CASP10: variants seen among roughly 807,000 people sequenced by gnomAD.
The protein encoded by CASP10 is caspase-10.
Under a neutral mutation model 48.5 loss-of-function variants are expected in CASP10, and 41 were observed. That is an observed-to-expected ratio of 0.85 (90% CI 0.66 to 1.10). The LOEUF is 1.10. Ranked by LOEUF, CASP10 falls within the 50% of genes least tolerant of loss-of-function variation. The probability of loss-of-function intolerance (pLI) is 0.00; values close to 1 mark genes in which losing one functional copy is unlikely to be tolerated. For synonymous variants in CASP10, 232 were observed against 238.4 expected (o/e 0.97, Z 0.25); for missense variants, 614 against 614.5 (o/e 1.00, Z 0.01).
At chr2:201,183,793 T>TA (rs1416272284) in intron 1 of CASP10, among the ~76,000 whole-genome samples, 1 of 152,214 alleles carries the variant, frequency 6.6e-6, no homozygotes, top group Non-Finnish European at 1.5e-5. Context: ...TATCTATAGT[T>TA]ATGTCACCTC....
chr2:201,222,124 T>A (rs1029114410), downstream of CASP10, among the ~76,000 whole-genome samples: 1 of 152,170 alleles, frequency 6.6e-6, no homozygotes, highest in Admixed American at 6.5e-5. Context: ...AATAGGTAGA[T>A]TGAGTGAGGT....
At chr2:201,212,940 G>A (rs1472289958) in intron 9 of CASP10, 2 of 152,170 alleles carry the variant, frequency 1.3e-5, no homozygotes, top group East Asian at 1.9e-4. Flanking sequence ...AATGTTGTGG[G>A]AATGAGGCTA....
chr2:201,218,683 G>A lies in CASP10; in HGVS notation c.*942G>A. Reference sequence around the variant, plus strand: ...AGATTGAGCTTAGATTGCCTCTCTAGACAACTACCCCTTAGTTATAATTCT... The same window carrying A: ...AGATTGAGCTTAGATTGCCTCTCTAAACAACTACCCCTTAGTTATAATTCT... On this transcript the variant is annotated 3_prime_UTR_variant, in exon 10 of 10. Coordinates refer to ENST00000286186, the MANE Select transcript of CASP10 (RefSeq NM_032977.4). 2.0e-6 allele frequency: 2 copies of A among 985,358 alleles called. No homozygotes were observed. The highest frequency in any genetic ancestry group is 2.4e-6 in the Non-Finnish European group (2 of 829,936). The allele number at this position is 985,358 out of a possible 1,614,324, so 61.0% of individuals were successfully genotyped here.
chr2:201,188,754 G>A (rs1944501006), intron 3 of CASP10, among the ~76,000 whole-genome samples: 2 of 151,770 alleles, frequency 1.3e-5, no homozygotes, highest in African/African-American at 4.8e-5. Flanking sequence ...AGGTAGTCTT[G>A]TTTTTTCATC....
chr2:201,191,787 T>C (rs1944620461), intron 3 of CASP10, among the ~76,000 whole-genome samples: 1 of 152,196 alleles, frequency 6.6e-6, no homozygotes, highest in South Asian at 2.1e-4. Context: ...GGCCTACACA[T>C]ATCCTGAGAG....
intron 3 of CASP10, among the ~76,000 whole-genome samples, chr2:201,192,732 T>C (rs1944653985): frequency 6.6e-6 from 1 of 152,340 alleles, no homozygotes; most frequent in South Asian, 2.1e-4. Context: ...GTTGTTGTGC[T>C]GTTAATATAC....
Position 201,186,070 on chromosome 2 carries a change from C to T in CASP10, c.293C>T (p.Thr98Ile), listed in dbSNP as rs1237236496. The T allele has an allele frequency of 6.2e-7, 1 of 1,612,538 alleles. No individual in the cohort carries two copies. The highest frequency in any genetic ancestry group is 2.1e-4 in the Middle Eastern group (1 of 4,834). The change falls in exon 2 of 10, where the codon ACC (threonine) becomes ATC (isoleucine). Residue 98 changes from threonine to isoleucine, a missense_variant. Thr to Ile is a moderately conservative substitution (Grantham distance 89). Coordinates refer to ENST00000286186, the MANE Select transcript of CASP10 (RefSeq NM_032977.4). ...AAGCTGCTGCAGCACCTCAACTGTA[C>T]CAAAGAGGAAGTGGAGCGACTGCTG... ...QKKLLQHLNC[T>I]KEEVERLLPT...
At chr2:201,183,664 T>C (rs1205427013) in intron 1 of CASP10, among the ~76,000 whole-genome samples, 2 of 152,198 alleles carry the variant, frequency 1.3e-5, no homozygotes, top group Admixed American at 1.3e-4. Flanking sequence ...GAAGATCCCC[T>C]GGATTATCAC....
Position 201,217,689 on chromosome 2 carries a change from C to T in CASP10, c.1517C>T (p.Thr506Ile), listed in dbSNP as rs930585159. Reference protein sequence around the residue: ...TKKQMPQPAFTLRKKLVFPVP... With the variant: ...TKKQMPQPAFILRKKLVFPVP... The stretch of plus-strand genomic sequence containing the variant: ...AAACAGATGCCCCAGCCTGCTTTCA[C>T]ACTAAGGAAAAAACTAGTATTCCCT... Residue 506 changes from threonine to isoleucine, a missense_variant, in exon 10 of 10, where the codon ACA (threonine) becomes ATA (isoleucine). Thr to Ile is a moderately conservative substitution (Grantham distance 89, BLOSUM62 -1). Transcript: ENST00000286186. 5.2e-5 allele frequency: 84 copies of T among 1,614,036 alleles called. No individual in the cohort carries two copies. The highest frequency in any genetic ancestry group is 6.9e-5 in the Non-Finnish European group (82 of 1,179,992).
At position 201,205,950 on chromosome 2, in the gene CASP10, C is replaced by G; in HGVS notation, c.790C>G (p.Leu264Val). 1.2e-6 allele frequency: 2 copies of G among 1,612,386 alleles called. No homozygotes were observed. Among genetic ancestry groups the G allele is most frequent in the African/African-American group, 2.7e-5 (2 of 74,996 alleles). Residue 264 changes from leucine to valine, a missense_variant, in exon 7 of 10, where the codon CTA becomes GTA. Leu to Val is a conservative substitution (Grantham distance 32, BLOSUM62 1). Transcript: ENST00000286186. ...GATGCAAGGAGCATCTGCTAACACT[C>G]TAAACTCTGAAACCAGCACAAAGGT... ...RGMQGASANT[L>V]NSETSTKRAA...
At chr2:201,229,223 C>A in exon 10 of CASP10, 1 of 955,962 alleles carries the variant, frequency 1.0e-6, no homozygotes, top group African/African-American at 1.6e-5. Context: ...CTGAACGTGG[C>A]ACTCTTCTGT....
In CASP10 at chr2:201,218,824, TG is replaced by T. The variant is rs1945649451; in HGVS notation, c.*1085del. 7.1e-6 allele frequency: 7 copies of T among 985,448 alleles called. No individual in the cohort carries two copies. In the South Asian group the frequency reaches 3.3e-4, roughly 46 times the overall value. The allele number at this position is 985,448 out of a possible 1,614,324, so 61.0% of individuals were successfully genotyped here. On this transcript the variant is annotated 3_prime_UTR_variant, in exon 10 of 10. Coordinates refer to ENST00000286186, the MANE Select transcript of CASP10 (RefSeq NM_032977.4). ...TTGCACATCTAGTGAGGTGAAAATTTGGTCTATGCCAGGCCCATTTCCTGCT... is the reference window on the plus strand; with the variant it reads ...TTGCACATCTAGTGAGGTGAAAATTTGTCTATGCCAGGCCCATTTCCTGCT...
In CASP10 at chr2:201,209,295, C is replaced by G. The variant is rs1181337952; in HGVS notation, c.1148C>G (p.Ala383Gly). 1.2e-6 allele frequency: 2 copies of G among 1,614,160 alleles called. No individual in the cohort carries two copies. Among genetic ancestry groups the G allele is most frequent in the South Asian group, 2.2e-5 (2 of 91,074 alleles). ...CGGGAGATCATGTCTCACTTCACAG[C>G]CCTGCAGTGCCCTAGACTGGCTGAA... ...PIREIMSHFT[A>G]LQCPRLAEKP... is the part of the protein sequence containing the mutation. Residue 383 changes from alanine (A) to glycine (G), a missense_variant, in exon 9 of 10, where the codon GCC becomes GGC. Coordinates refer to ENST00000286186, the MANE Select transcript of CASP10 (RefSeq NM_032977.4).
downstream of CASP10, among the ~76,000 whole-genome samples, chr2:201,222,843 A>T (rs2126067214): frequency 6.6e-6 from 1 of 152,280 alleles, no homozygotes; most frequent in Admixed American, 6.5e-5. Context: ...TAATGATCAA[A>T]TCTCCACGGA....
chr2:201,212,369 G>A (rs1313667450), intron 9 of CASP10: 1 of 152,246 alleles, frequency 6.6e-6, no homozygotes, highest in African/African-American at 2.4e-5. Flanking sequence ...TGAGACTGGG[G>A]TTGGGCCTTC....
chr2:201,227,090 G>A (rs1184766376), intron 9 of CASP10, among the ~76,000 whole-genome samples: 1 of 152,072 alleles, frequency 6.6e-6, no homozygotes, highest in Non-Finnish European at 1.5e-5. Context: ...GGGGGGACAG[G>A]GGGGAACATG....
chr2:201,210,039 A>G (rs915143773), intron 9 of CASP10, among the ~76,000 whole-genome samples: 1 of 152,222 alleles, frequency 6.6e-6, no homozygotes, highest in Non-Finnish European at 1.5e-5. Context: ...AGAAATGACA[A>G]ATAGATGTTA....
intron 4 of CASP10, among the ~76,000 whole-genome samples, chr2:201,194,254 T>G (rs966309061): frequency 6.6e-6 from 1 of 152,096 alleles, no homozygotes; most frequent in Non-Finnish European, 1.5e-5. Context: ...AGTTCATTTC[T>G]CCACTGTTAA....
At chr2:201,196,627 G>A (rs557891355) in intron 5 of CASP10, among the ~76,000 whole-genome samples, 110 of 152,300 alleles carry the variant, frequency 7.2e-4, no homozygotes, top group Non-Finnish European at 1.2e-3. Flanking sequence ...CATCAATGAA[G>A]TTAGCTTGGT....
Sources: gnomAD v4.1 joint callset for allele counts (sites outside exome capture counted in the v4.1 genomes callset) on GRCh38, gnomAD v4.1.1 for gene constraint, MANE v1.5 for transcripts, NCBI Gene and HGNC (gene_info 2026-07-23, HGNC 2026-07-21) for gene names.